The following ADGRV1 variants were observed in gnomAD, a reference collection of about 807,000 sequenced individuals.
ADGRV1 encodes G-protein coupled receptor 98.
A neutral mutation model predicts 596.2 loss-of-function variants in ADGRV1; 359 were observed. The ratio of observed to expected loss-of-function variants is 0.60; its 90% CI spans 0.55 to 0.66. ADGRV1 has a LOEUF of 0.66. Among genes scored for constraint, ADGRV1 ranks in the 30% least tolerant of loss-of-function variants. The pLI is 0.00. For synonymous variants in ADGRV1, 2,681 were observed against 2,679.2 expected, an observed-to-expected ratio of 1.00 and a Z score of -0.02; for missense variants, 7,274 against 7,575.6, an observed-to-expected ratio of 0.96 and a Z score of 1.48.
intron 17 of ADGRV1, 87 bp downstream of exon 17, chr5:90,647,851 A>C: frequency 8.8e-7 from 1 of 1,136,760 alleles, no homozygotes; most frequent in South Asian, 1.5e-5. Flanking sequence ...AATGAGGACA[A>C]GTAGGGCCTA....
intron 87 of ADGRV1, among the ~76,000 whole-genome samples, chr5:91,107,921 A>G (rs990253138): frequency 3.9e-5 from 6 of 152,232 alleles, no homozygotes; most frequent in Admixed American, 2.0e-4. Flanking sequence ...TCACTGGTAC[A>G]TATAAGAAAA....
intron 83 of ADGRV1, among the ~76,000 whole-genome samples, chr5:90,904,812 G>T (rs1054810866): frequency 6.6e-6 from 1 of 151,978 alleles, no homozygotes; most frequent in South Asian, 2.1e-4. Context: ...ATTTTGCCTA[G>T]ACCAATGTCC....
chr5:90,810,868 A>G lies in ADGRV1; in HGVS notation c.15608A>G (p.Glu5203Gly), dbSNP rs202106463. The part of the protein sequence containing the change: ...VTLHGTPAVS[E>G]KPDVATVTAN... ...CTTCATGGCACACCTGCTGTGTCTG[A>G]AAAGCCTGATGTGGCCACTGTAACT... The change falls in exon 74 of 90, where the codon GAA (glutamate) becomes GGA (glycine). Residue 5203 changes from glutamate to glycine, a missense_variant. Physicochemically the swap from Glu to Gly is moderately conservative, Grantham distance 98. Around this residue, in one of 5 missense-constraint regions of ADGRV1, gnomAD observed 1,874 missense variants for 1,970.2 expected, o/e 0.95. Transcript: ENST00000405460. 688 of 1,614,026 alleles carry G rather than the reference A, an allele frequency of 4.3e-4. 5 individuals carry two copies. In the Middle Eastern group the frequency reaches 0.011, roughly 25 times the overall value.
chr5:90,693,386 AT>A (rs1386691395), intron 32 of ADGRV1, among the ~76,000 whole-genome samples: 1 of 152,098 alleles, frequency 6.6e-6, no homozygotes. Context: ...ATAATACCTA[AT>A]ACAATGTAAA....
At position 90,815,750 on chromosome 5, in the gene ADGRV1, T is replaced by C. The variant is rs1171274798; in HGVS notation, c.16196+14T>C. 3.1e-6 allele frequency: 4 copies of C among 1,284,810 alleles called. No individual in the cohort carries two copies. The highest frequency in any genetic ancestry group is 3.3e-6 in the Non-Finnish European group (3 of 902,080). 79.6% of individuals were successfully genotyped at this position (1,284,810 alleles called of 1,614,324 possible). On this transcript the variant is annotated intron_variant, in intron 75 of 89. Transcript: ENST00000405460. ...ACAGCCAAACAGGTATGTGTATATA[T>C]AGTATATGGAAGACGTAACATTCTG...
intron 1 of ADGRV1, among the ~76,000 whole-genome samples, chr5:90,608,179 A>G (rs1700565086): frequency 6.6e-6 from 1 of 152,126 alleles, no homozygotes; most frequent in Admixed American, 6.6e-5. Flanking sequence ...AAATGAGAAA[A>G]CTATCCTCAG....
chr5:90,667,847 A>G (rs1580666322), intron 21 of ADGRV1, among the ~76,000 whole-genome samples: 2 of 152,106 alleles, frequency 1.3e-5, no homozygotes, highest in African/African-American at 4.8e-5. Flanking sequence ...CCTCAGCTGC[A>G]GGGCTGTTGG....
intron 86 of ADGRV1, among the ~76,000 whole-genome samples, chr5:91,087,383 G>A (rs1381948311): frequency 5.9e-5 from 9 of 151,904 alleles, no homozygotes; most frequent in African/African-American, 2.2e-4. Context: ...TGCAACCTCC[G>A]CCTCCCGAGT....
chr5:90,767,522 A>G (rs1219181108), intron 59 of ADGRV1, among the ~76,000 whole-genome samples: 1 of 152,178 alleles, frequency 6.6e-6, no homozygotes, highest in Non-Finnish European at 1.5e-5. Context: ...ACCTATGTGA[A>G]ATTGGCTCTA....
chr5:90,906,022 T>C (rs1200578971), intron 83 of ADGRV1, among the ~76,000 whole-genome samples: 2 of 152,136 alleles, frequency 1.3e-5, no homozygotes, highest in Non-Finnish European at 2.9e-5. Flanking sequence ...TCTCTTGATA[T>C]ATCACATTGA....
In ADGRV1 at chr5:90,925,056, C is replaced by G. The variant is rs568132111; in HGVS notation, c.17857-40359C>G. On this transcript the variant is annotated intron_variant, in intron 83 of 89. Transcript: ENST00000405460. The stretch of plus-strand genomic sequence containing the variant: ...GTAGCCTTGTGGTATAGTTTGAAGT[C>G]AGGTAGTGTGATGCCTCCAGCTTTT... Among the ~76,000 whole-genome samples, 29 of 152,024 alleles carry G rather than the reference C, an allele frequency of 1.9e-4. 1 individual carries two copies. The East Asian group carries it at 5.0e-3, about 26-fold the overall frequency.
chr5:90,817,789 C>G (rs1763050257), intron 75 of ADGRV1, among the ~76,000 whole-genome samples: 1 of 151,964 alleles, frequency 6.6e-6, no homozygotes, highest in Admixed American at 6.6e-5. Context: ...GTTTTGGTAC[C>G]AGTACCATGC....
chr5:91,058,926 G>C (rs1210130873), intron 85 of ADGRV1, among the ~76,000 whole-genome samples: 1 of 152,152 alleles, frequency 6.6e-6, no homozygotes, highest in Non-Finnish European at 1.5e-5. Flanking sequence ...AAAGTCTCCT[G>C]ACTACCCCAA....
intron 85 of ADGRV1, among the ~76,000 whole-genome samples, chr5:91,068,640 A>G (rs1788099084): frequency 1.3e-5 from 2 of 152,132 alleles, no homozygotes; most frequent in African/African-American, 2.4e-5. Context: ...AATACATGAC[A>G]CAAACAATTG....
In ADGRV1 at chr5:90,679,579, G is replaced by A. The variant is rs1744673391; in HGVS notation, c.5474G>A (p.Gly1825Asp). The A allele has an allele frequency of 1.2e-6, 2 of 1,613,636 alleles. No individual in the cohort carries two copies. Among genetic ancestry groups the A allele is most frequent in the Non-Finnish European group, 1.7e-6 (2 of 1,179,696 alleles). The change falls in exon 26 of 90, where the codon GGT (glycine) becomes GAT (aspartate). Residue 1825 changes from glycine to aspartate, a missense_variant. Transcript: ENST00000405460. The stretch of plus-strand genomic sequence containing the variant: ...GAACTCTTTAGGGTTGATGGAAGTG[G>A]TAGTGGTGATGGGGACATGGAATTC... The part of the protein sequence containing the change: ...VAELFRVDGS[G>D]SGDGDMEFFL...
chr5:90,705,296 T>C (rs1052241949), intron 36 of ADGRV1, 104 bp from the exon 37 acceptor site: 58 of 909,482 alleles, frequency 6.4e-5, no homozygotes, highest in Non-Finnish European at 9.5e-5. Context: ...GAGAAGTAAA[T>C]AGAACACTTT....
rs376087429 is a variant in ADGRV1 at position 90,789,757 on chromosome 5, C to G, written c.13949C>G (p.Ser4650Cys). 5.1e-6 allele frequency: 8 copies of G among 1,558,418 alleles called. No individual in the cohort carries two copies. Among genetic ancestry groups the G allele is most frequent in the Non-Finnish European group, 7.0e-6 (8 of 1,148,886 alleles). ...GVVQFAPETL[S>C]KKTYSEPLAL... ...GTTCAGTTTGCTCCTGAAACTTTGT[C>G]TAAGAAGACTTATTCAGAGCCTCTG... is the stretch of plus-strand genomic sequence containing the variant. The change falls in exon 69 of 90, where the codon TCT becomes TGT. Residue 4650 changes from serine to cysteine, a missense_variant. Physicochemically the swap from Ser to Cys is moderately radical, Grantham distance 112. Coordinates refer to ENST00000405460, the MANE Select transcript of ADGRV1 (RefSeq NM_032119.4).
intron 72 of ADGRV1, among the ~76,000 whole-genome samples, chr5:90,806,063 A>G (rs935220048): frequency 6.6e-6 from 1 of 152,208 alleles, no homozygotes; most frequent in African/African-American, 2.4e-5. Flanking sequence ...TACACTCAGT[A>G]AGAAACCTAA....
At chr5:90,897,767 G>C (rs1202250169) in intron 83 of ADGRV1, among the ~76,000 whole-genome samples, 1 of 152,156 alleles carries the variant, frequency 6.6e-6, no homozygotes, top group Non-Finnish European at 1.5e-5. Context: ...GATTAAGAGG[G>C]CAAGAAAATG....
Sources: allele counts gnomAD v4.1 joint callset (sites outside exome capture counted in the v4.1 genomes callset), GRCh38; gene constraint gnomAD v4.1.1; regional missense constraint gnomAD v4.1.1; transcripts MANE v1.5; gene names NCBI Gene and HGNC (gene_info 2026-07-23, HGNC 2026-07-21).